ARHGAP20: variants seen among roughly 807,000 people sequenced by gnomAD.
ARHGAP20 encodes the protein rho GTPase-activating protein 20.
Under a neutral mutation model 73.7 loss-of-function variants are expected in ARHGAP20, and 34 were observed. That is an observed-to-expected ratio of 0.46 (90% CI 0.35 to 0.61). The LOEUF (loss-of-function observed/expected upper bound fraction) is 0.61. ARHGAP20 is among the 20% of genes least tolerant of loss of function. The pLI is 0.00. For synonymous variants in ARHGAP20, 523 were observed against 518.2 expected (o/e 1.01, Z -0.13); for missense variants, 1,314 against 1,420.9 (o/e 0.92, Z 1.21).
chr11:110,652,472 G>A (rs1482597773), intron 2 of ARHGAP20, among the ~76,000 whole-genome samples: 2 of 152,040 alleles, frequency 1.3e-5, no homozygotes, highest in African/African-American at 4.8e-5. Flanking sequence ...ACTTGATCCT[G>A]TATCTGAAAA....
intron 9 of ARHGAP20, among the ~76,000 whole-genome samples, chr11:110,601,144 G>A (rs1450057533): frequency 6.6e-6 from 1 of 152,174 alleles, no homozygotes; most frequent in Non-Finnish European, 1.5e-5. Flanking sequence ...AAGAGACCAT[G>A]CAAAATACCC....
chr11:110,625,385 T>TA (rs965967663), intron 3 of ARHGAP20, among the ~76,000 whole-genome samples: 13 of 152,106 alleles, frequency 8.5e-5, no homozygotes, highest in Middle Eastern at 3.2e-3. Flanking sequence ...AGAGATGCAC[T>TA]AAAAAAACCC....
At chr11:110,656,720 G>A (rs530275964) in intron 2 of ARHGAP20, among the ~76,000 whole-genome samples, 2 of 152,304 alleles carry the variant, frequency 1.3e-5, no homozygotes, top group South Asian at 4.1e-4. Flanking sequence ...ACTTTTGCAT[G>A]CTCAGCCACT....
At position 110,599,434 on chromosome 11, in the gene ARHGAP20, C is replaced by T. The variant is rs114664981; in HGVS notation, c.964+7127G>A. On this transcript the variant is annotated intron_variant, in intron 9 of 14. Transcript: ENST00000683387. ...GTGCCAACAAGCATAGGAGGGAAGC[C>T]GATCGGGGGCTGAGGCAGCTCGGTG... Among the ~76,000 whole-genome samples, 613 of 152,314 alleles carry T rather than the reference C, an allele frequency of 4.0e-3. 6 individuals carry two copies. Among genetic ancestry groups the T allele is most frequent in the African/African-American group, 0.014 (572 of 41,566 alleles).
chr11:110,698,334 G>A (rs1950377331), intron 1 of ARHGAP20, among the ~76,000 whole-genome samples: 1 of 151,802 alleles, frequency 6.6e-6, no homozygotes, highest in Admixed American at 6.6e-5. Context: ...GTATTTTGTG[G>A]AGGATTTCTG....
At chr11:110,660,063 A>AC (rs1565463986) in intron 2 of ARHGAP20, among the ~76,000 whole-genome samples, 13 of 123,390 alleles carry the variant, frequency 1.1e-4, no homozygotes, top group African/African-American at 4.5e-4. Context: ...ATAAAAAACA[A>AC]AAAAAAAAAA....
chr11:110,582,086 T>G (rs1265983362), intron 14 of ARHGAP20, among the ~76,000 whole-genome samples: 3 of 152,208 alleles, frequency 2.0e-5, no homozygotes, highest in African/African-American at 4.8e-5. Context: ...ACTAACTTAT[T>G]GAAGGCTGGA....
chr11:110,601,129 C>A (rs1307435408), intron 9 of ARHGAP20, among the ~76,000 whole-genome samples: 1 of 152,024 alleles, frequency 6.6e-6, no homozygotes, highest in African/African-American at 2.4e-5. Flanking sequence ...CATGATTTTC[C>A]ACATAAGAGA....
intron 9 of ARHGAP20, among the ~76,000 whole-genome samples, chr11:110,603,325 C>G (rs1948151132): frequency 6.6e-6 from 1 of 152,148 alleles, no homozygotes. Flanking sequence ...AGCCTTTAAC[C>G]TCTATTAATG....
intron 2 of ARHGAP20, among the ~76,000 whole-genome samples, chr11:110,652,415 G>C (rs1949376190): frequency 6.6e-6 from 1 of 151,894 alleles, no homozygotes; most frequent in Admixed American, 6.6e-5. Context: ...AGAAATAAAG[G>C]GTATTCAGAT....
chr11:110,583,572 T>C lies in ARHGAP20; in HGVS notation c.1581A>G (p.Glu527=). The change falls in exon 13 of 15, where the codon GAA becomes GAG. Residue 527 remains glutamate, a synonymous_variant. Coordinates refer to ENST00000683387, the MANE Select transcript of ARHGAP20 (RefSeq NM_001384657.1). ...ILWPPASSSP[E]LENEFTKKVS... ...CCTTTTTTGTAAATTCGTTTTCTAG[T>C]TCTGGGCTGGAGGAAGCAGGAGGCC... 6.2e-7 allele frequency: 1 copy of C among 1,607,570 alleles called. No homozygotes were observed. The highest frequency in any genetic ancestry group is 1.1e-5 in the South Asian group (1 of 89,776).
At chr11:110,599,985 C>A (rs1258625368) in intron 9 of ARHGAP20, among the ~76,000 whole-genome samples, 1 of 152,206 alleles carries the variant, frequency 6.6e-6, no homozygotes, top group East Asian at 1.9e-4. Flanking sequence ...AGGAGCTGAA[C>A]ACTTGATGGG....
At chr11:110,693,636 A>C (rs988586130) in intron 1 of ARHGAP20, among the ~76,000 whole-genome samples, 2 of 151,954 alleles carry the variant, frequency 1.3e-5, no homozygotes, top group African/African-American at 4.8e-5. Context: ...AGTGTAACCA[A>C]ACAAAGGGCC....
chr11:110,611,949 C>G (rs892992840), intron 6 of ARHGAP20, among the ~76,000 whole-genome samples: 2 of 152,088 alleles, frequency 1.3e-5, no homozygotes, highest in African/African-American at 4.8e-5. Context: ...CACACTGTGG[C>G]CACTAAGATT....
chr11:110,641,275 TAC>T (rs747205003), intron 2 of ARHGAP20, among the ~76,000 whole-genome samples: 10 of 152,168 alleles, frequency 6.6e-5, no homozygotes, highest in South Asian at 2.1e-4. Context: ...AGGACACTAA[TAC>T]ACAGAGTCAC....
intron 2 of ARHGAP20, among the ~76,000 whole-genome samples, chr11:110,660,337 G>A (rs1949581036): frequency 6.6e-6 from 1 of 152,134 alleles, no homozygotes; most frequent in Admixed American, 6.5e-5. Context: ...TAAAGGGTGA[G>A]TCAAGAGACC....
chr11:110,627,419 C>T (rs1749864793), intron 3 of ARHGAP20, among the ~76,000 whole-genome samples: 2 of 151,976 alleles, frequency 1.3e-5, no homozygotes, highest in African/African-American at 4.8e-5. Flanking sequence ...CAACGTAGTC[C>T]CTTATTACAA....
intron 1 of ARHGAP20, among the ~76,000 whole-genome samples, chr11:110,694,203 A>G (rs1400920018): frequency 6.6e-6 from 1 of 151,854 alleles, no homozygotes; most frequent in Non-Finnish European, 1.5e-5. Context: ...TGTCCCCCAA[A>G]TGGGAAAAAA....
chr11:110,697,832 A>G (rs969279456), intron 1 of ARHGAP20, among the ~76,000 whole-genome samples: 4 of 151,882 alleles, frequency 2.6e-5, no homozygotes, highest in South Asian at 4.1e-4. Context: ...ACAGCCTTGT[A>G]GTATAATTTG....
Sources: gnomAD v4.1 joint callset for allele counts (sites outside exome capture counted in the v4.1 genomes callset) on GRCh38, gnomAD v4.1.1 for gene constraint, MANE v1.5 for transcripts, NCBI Gene and HGNC (gene_info 2026-07-23, HGNC 2026-07-21) for gene names.